RGS6: variants seen among roughly 807,000 people sequenced by gnomAD.
RGS6 encodes regulator of G-protein signaling 6.
Under a neutral mutation model 78.5 loss-of-function variants are expected in RGS6, and 30 were observed. That is an observed-to-expected ratio of 0.38 (90% CI 0.29 to 0.52). RGS6 has a LOEUF of 0.52. Ranked by LOEUF, RGS6 falls within the 20% of genes least tolerant of loss-of-function variation. The probability of loss-of-function intolerance (pLI) is 0.85; values close to 1 mark genes in which losing one functional copy is unlikely to be tolerated. For missense variants in RGS6, 495 were observed against 609.7 expected (o/e 0.81, Z 1.98); for synonymous variants, 206 against 206.0 (o/e 1.00, Z 0.00).
At chr14:71,958,669 T>C (rs2153027796) in intron 1 of RGS6, among the ~76,000 whole-genome samples, 1 of 151,684 alleles carries the variant, frequency 6.6e-6, no homozygotes, top group South Asian at 2.1e-4. Context: ...AGCCCCCCCA[T>C]TAGCATGTCT....
intron 2 of RGS6, among the ~76,000 whole-genome samples, chr14:72,046,165 G>C (rs1019679043): frequency 2.3e-4 from 35 of 149,728 alleles, no homozygotes; most frequent in African/African-American, 7.6e-4. Flanking sequence ...TGCCAGGCTA[G>C]TATTAGGGAG....
chr14:72,117,894 C>T (rs374108568), intron 2 of RGS6, among the ~76,000 whole-genome samples: 20 of 152,074 alleles, frequency 1.3e-4, no homozygotes, highest in South Asian at 2.1e-4. Flanking sequence ...GCCATCTATT[C>T]GGAGTTGTCA....
intron 2 of RGS6, among the ~76,000 whole-genome samples, chr14:72,233,467 A>G (rs2050186388): frequency 6.6e-6 from 1 of 152,214 alleles, no homozygotes; most frequent in Admixed American, 6.5e-5. Flanking sequence ...GGACTTATAG[A>G]TGGCTTATCA....
At chr14:72,522,973 A>C (rs2097068643) in intron 15 of RGS6, among the ~76,000 whole-genome samples, 1 of 152,236 alleles carries the variant, frequency 6.6e-6, no homozygotes, top group Non-Finnish European at 1.5e-5. Flanking sequence ...CTGAATTGTG[A>C]ATGTTTCTAC....
chr14:72,555,276 C>A (rs1295809563), intron 17 of RGS6, among the ~76,000 whole-genome samples: 1 of 152,086 alleles, frequency 6.6e-6, no homozygotes, highest in African/African-American at 2.4e-5. Context: ...GTTCACCCAG[C>A]CTGTCCAGCA....
At chr14:72,215,176 T>C (rs2045258372) in intron 2 of RGS6, among the ~76,000 whole-genome samples, 1 of 152,226 alleles carries the variant, frequency 6.6e-6, no homozygotes, top group South Asian at 2.1e-4. Flanking sequence ...CTATCCACTC[T>C]TCTCTTCCTC....
At chr14:72,519,253 A>C (rs2096996726) in intron 15 of RGS6, among the ~76,000 whole-genome samples, 1 of 152,204 alleles carries the variant, frequency 6.6e-6, no homozygotes, top group Non-Finnish European at 1.5e-5. Flanking sequence ...AGCAGACTAA[A>C]TTTTGACGGC....
intron 2 of RGS6, among the ~76,000 whole-genome samples, chr14:72,227,525 AT>A (rs2048405802): frequency 1.3e-5 from 2 of 152,200 alleles, no homozygotes; most frequent in Admixed American, 6.5e-5. Flanking sequence ...GGCAATAATG[AT>A]TTTAAGGCTT....
chr14:72,042,652 T>A (rs2092523378), intron 2 of RGS6, among the ~76,000 whole-genome samples: 1 of 152,184 alleles, frequency 6.6e-6, no homozygotes, highest in Non-Finnish European at 1.5e-5. Context: ...ATAAACTTTT[T>A]TTTTCATGTT....
At chr14:72,575,101 C>T in the RGS6 span, among the ~76,000 whole-genome samples, 94 of 152,230 alleles carry the variant, frequency 6.2e-4, 3 homozygotes, top group South Asian at 0.02. Flanking sequence ...GAGGATACAG[C>T]TGGCAGCCTA....
chr14:72,556,085 T>G (rs1196385406), intron 17 of RGS6, among the ~76,000 whole-genome samples: 1 of 151,142 alleles, frequency 6.6e-6, no homozygotes, highest in African/African-American at 2.4e-5. Context: ...AACTCTTCTT[T>G]TGTAGATTCA....
At chr14:72,552,319 G>A (rs571744439) in intron 17 of RGS6, among the ~76,000 whole-genome samples, 57 of 152,298 alleles carry the variant, frequency 3.7e-4, no homozygotes, top group African/African-American at 1.3e-3. Context: ...TTCTATGGTC[G>A]ATTTCCTGGG....
At chr14:72,041,948 C>A (rs1169515408) in intron 2 of RGS6, among the ~76,000 whole-genome samples, 1 of 152,034 alleles carries the variant, frequency 6.6e-6, no homozygotes, top group Non-Finnish European at 1.5e-5. Context: ...CTGTTTCTAT[C>A]ACTAATGATA....
At chr14:71,963,611 G>A (rs947068614) in intron 1 of RGS6, among the ~76,000 whole-genome samples, 3 of 152,164 alleles carry the variant, frequency 2.0e-5, no homozygotes, top group Non-Finnish European at 4.4e-5. Flanking sequence ...AATATGTGAC[G>A]TTTTGTGTCT....
the RGS6 span, among the ~76,000 whole-genome samples, chr14:71,919,193 G>T: frequency 6.6e-6 from 1 of 152,160 alleles, no homozygotes; most frequent in Admixed American, 6.5e-5. Flanking sequence ...CAGCCTCAGA[G>T]GGGGAGAAGA....
chr14:72,080,598 T>A (rs78939819), intron 2 of RGS6, among the ~76,000 whole-genome samples: 2,019 of 152,186 alleles, frequency 0.013, 20 homozygotes, highest in Non-Finnish European at 0.02. Flanking sequence ...TTGCCCAGAC[T>A]AGTGTCTTGG....
chr14:71,945,000 T>C (rs535597872), intron 1 of RGS6, among the ~76,000 whole-genome samples: 7 of 152,334 alleles, frequency 4.6e-5, no homozygotes, highest in African/African-American at 1.4e-4. Context: ...ACAGTAACAA[T>C]ATGGTGTTAT....
intron 3 of RGS6, among the ~76,000 whole-genome samples, chr14:72,382,866 G>C (rs1344516534): frequency 1.3e-5 from 2 of 151,998 alleles, no homozygotes; most frequent in African/African-American, 4.8e-5. Flanking sequence ...GCAAAAGTAA[G>C]CATTGTATTA....
intron 1 of RGS6, among the ~76,000 whole-genome samples, chr14:71,944,281 A>C (rs1256758685): frequency 3.3e-5 from 5 of 152,212 alleles, no homozygotes; most frequent in Non-Finnish European, 7.3e-5. Flanking sequence ...AAAGTCCTTT[A>C]AGAGATGTTG....
Sources: allele counts gnomAD v4.1 joint callset (sites outside exome capture counted in the v4.1 genomes callset), GRCh38; gene constraint gnomAD v4.1.1; transcripts MANE v1.5; gene names NCBI Gene and HGNC (gene_info 2026-07-23, HGNC 2026-07-21).